CCDC7: variants seen among roughly 807,000 people sequenced by gnomAD.
CCDC7 encodes the protein coiled-coil domain containing 7.
Under a neutral mutation model 196.9 loss-of-function variants are expected in CCDC7, and 183 were observed. The observed-to-expected ratio is 0.93, with a 90% confidence interval of 0.82 to 1.05. CCDC7 has a LOEUF of 1.05. Ranked by LOEUF, CCDC7 falls within the 50% of genes least tolerant of loss-of-function variation. The probability of loss-of-function intolerance (pLI) is 0.00; values close to 1 mark genes in which losing one functional copy is unlikely to be tolerated. For missense variants in CCDC7, 1,540 were observed against 1,482.2 expected (o/e 1.04, Z -0.64); for synonymous variants, 525 against 484.6 (o/e 1.08, Z -1.10).
At chr10:32,723,492 G>A (rs1049190121) in intron 25 of CCDC7, among the ~76,000 whole-genome samples, 1 of 152,062 alleles carries the variant, frequency 6.6e-6, no homozygotes, top group African/African-American at 2.4e-5. Flanking sequence ...TATATACATT[G>A]GAAGAATAGT....
chr10:32,498,642 A>C (rs145638357), intron 9 of CCDC7, among the ~76,000 whole-genome samples: 7,952 of 152,096 alleles, frequency 0.052, 688 homozygotes, highest in African/African-American at 0.18. Context: ...TTGCTTAGGA[A>C]GCTTAGTTTG....
intron 21 of CCDC7, among the ~76,000 whole-genome samples, chr10:32,672,331 G>GGC (rs1267652280): frequency 1.3e-5 from 2 of 152,156 alleles, no homozygotes; most frequent in Non-Finnish European, 2.9e-5. Context: ...CTGGAGCATG[G>GGC]GCACACACAG....
intron 9 of CCDC7, among the ~76,000 whole-genome samples, chr10:32,497,574 A>G (rs545476364): frequency 4.6e-5 from 7 of 152,304 alleles, no homozygotes; most frequent in African/African-American, 1.4e-4. Context: ...TGTGTCCCAA[A>G]GATTCTGGTA....
At chr10:32,704,866 G>A (rs530049422) in intron 24 of CCDC7, among the ~76,000 whole-genome samples, 20 of 152,224 alleles carry the variant, frequency 1.3e-4, no homozygotes, top group South Asian at 4.1e-4. Context: ...TTGGAAAAGC[G>A]CAGTATTAGG....
At chr10:32,758,851 T>A (rs1320849081) in intron 28 of CCDC7, among the ~76,000 whole-genome samples, 1 of 152,166 alleles carries the variant, frequency 6.6e-6, no homozygotes, top group Non-Finnish European at 1.5e-5. Flanking sequence ...GAAAACCCTG[T>A]CATTTCAGCC....
intron 24 of CCDC7, among the ~76,000 whole-genome samples, chr10:32,704,969 G>A (rs1157717822): frequency 2.6e-5 from 4 of 152,132 alleles, no homozygotes; most frequent in Non-Finnish European, 5.9e-5. Flanking sequence ...CCCGGGTGAG[G>A]CGATGCCTCG....
intron 24 of CCDC7, among the ~76,000 whole-genome samples, chr10:32,700,665 T>C (rs552972175): frequency 1.3e-5 from 2 of 152,218 alleles, no homozygotes; most frequent in Non-Finnish European, 2.9e-5. Flanking sequence ...ATTTTCACGA[T>C]ATTGATTCTT....
At chr10:32,652,167 C>T (rs1249481831) in intron 20 of CCDC7, among the ~76,000 whole-genome samples, 1 of 152,066 alleles carries the variant, frequency 6.6e-6, no homozygotes, top group Non-Finnish European at 1.5e-5. Context: ...AATATAATGG[C>T]TTGATTTATA....
chr10:32,465,109 GTTTTTTT>G (rs72519574), intron 5 of CCDC7, among the ~76,000 whole-genome samples: 2 of 67,282 alleles, frequency 3.0e-5, no homozygotes, highest in African/African-American at 6.7e-5. Flanking sequence ...AATGAAACTA[GTTTTTTT>G]TTTTTTTAAA....
At chr10:32,832,364 A>T (rs1433718311) in intron 32 of CCDC7, among the ~76,000 whole-genome samples, 1 of 152,102 alleles carries the variant, frequency 6.6e-6, no homozygotes, top group Non-Finnish European at 1.5e-5. Context: ...TTAGCTGGGC[A>T]TGGTGGTGCG....
At chr10:32,731,744 C>G (rs1426338015) in intron 28 of CCDC7, among the ~76,000 whole-genome samples, 1 of 151,996 alleles carries the variant, frequency 6.6e-6, no homozygotes, top group African/African-American at 2.4e-5. Context: ...GTTGTATTGT[C>G]TAGTGTAAAG....
intron 8 of CCDC7, among the ~76,000 whole-genome samples, chr10:32,481,985 A>G (rs2040041675): frequency 6.6e-6 from 1 of 152,044 alleles, no homozygotes; most frequent in Non-Finnish European, 1.5e-5. Context: ...TTGATGAAAT[A>G]TTCTTTGGGT....
At chr10:32,529,543 A>G (rs998674757) in intron 11 of CCDC7, among the ~76,000 whole-genome samples, 1 of 151,834 alleles carries the variant, frequency 6.6e-6, no homozygotes, top group African/African-American at 2.4e-5. Context: ...GCATTTTTTT[A>G]TGTTTATTGG....
intron 9 of CCDC7, among the ~76,000 whole-genome samples, chr10:32,495,531 G>A (rs1320922943): frequency 4.6e-5 from 7 of 152,020 alleles, no homozygotes; most frequent in East Asian, 1.9e-4. Flanking sequence ...TAGGTCTTAC[G>A]TTTAAGTGTC....
At chr10:32,766,526 AG>A (rs2078329832) in intron 28 of CCDC7, among the ~76,000 whole-genome samples, 1 of 152,126 alleles carries the variant, frequency 6.6e-6, no homozygotes, top group Admixed American at 6.6e-5. Flanking sequence ...GGTGAATCAC[AG>A]TGCAGGCCCC....
chr10:32,744,372 T>TG (rs766013233), intron 28 of CCDC7, among the ~76,000 whole-genome samples: 1 of 142,994 alleles, frequency 7.0e-6, no homozygotes, highest in African/African-American at 2.5e-5. Flanking sequence ...TTCCTGCTGG[T>TG]GAAAAAAAAA....
intron 8 of CCDC7, among the ~76,000 whole-genome samples, chr10:32,491,665 T>C (rs558094137): frequency 3.2e-4 from 49 of 152,274 alleles, no homozygotes; most frequent in Non-Finnish European, 5.9e-4. Context: ...ACTTCTTTAT[T>C]TGAAAATTAT....
intron 28 of CCDC7, among the ~76,000 whole-genome samples, chr10:32,768,287 G>T (rs2078639195): frequency 6.6e-6 from 1 of 151,912 alleles, no homozygotes; most frequent in African/African-American, 2.4e-5. Context: ...TTTATTTGTA[G>T]CTATTGTAAG....
chr10:32,627,075 CTA>C (rs1281315765), intron 18 of CCDC7, among the ~76,000 whole-genome samples: 6 of 149,366 alleles, frequency 4.0e-5, no homozygotes, highest in East Asian at 3.9e-4. Flanking sequence ...TAAAATTTTT[CTA>C]TGTCTGTGAA....
Sources: gnomAD v4.1 joint callset for allele counts (sites outside exome capture counted in the v4.1 genomes callset) on GRCh38, gnomAD v4.1.1 for gene constraint, MANE v1.5 for transcripts, NCBI Gene and HGNC (gene_info 2026-07-23, HGNC 2026-07-21) for gene names.